The following GULP1 variants were observed in gnomAD, a reference collection of about 807,000 sequenced individuals.
GULP1 encodes the protein PTB domain-containing engulfment adapter protein 1.
GULP1 carries 19 observed loss-of-function variants against 40.9 expected under a neutral mutation model. The observed-to-expected ratio is 0.46, with a 90% CI of 0.32 to 0.68. The LOEUF (loss-of-function observed/expected upper bound fraction) is 0.68, where lower values mean the gene tolerates loss of function less well. GULP1 is among the 30% of genes least tolerant of loss of function. GULP1 has a pLI of 0.03. For synonymous variants in GULP1, 119 were observed against 117.6 expected (o/e 1.01, Z -0.08); for missense variants, 312 against 362.2 (o/e 0.86, Z 1.12).
chr2:188,525,317 G>A (rs1685886503), intron 5 of GULP1, among the ~76,000 whole-genome samples: 1 of 152,120 alleles, frequency 6.6e-6, no homozygotes, highest in East Asian at 1.9e-4. Flanking sequence ...CTTGAACCTG[G>A]GAAGCAGGGG....
At chr2:188,475,366 A>G (rs1459711412) in intron 2 of GULP1, among the ~76,000 whole-genome samples, 1 of 148,442 alleles carries the variant, frequency 6.7e-6, no homozygotes, top group South Asian at 2.1e-4. Flanking sequence ...TGTTTGCTCC[A>G]ATGAACTTTA....
At chr2:188,558,850 T>C (rs1312225660) in intron 7 of GULP1, among the ~76,000 whole-genome samples, 5 of 152,230 alleles carry the variant, frequency 3.3e-5, no homozygotes, top group African/African-American at 1.2e-4. Context: ...AAGTTTGAAC[T>C]TGAGAGAGAT....
chr2:188,512,696 C>A (rs1239140293), intron 4 of GULP1, among the ~76,000 whole-genome samples: 1 of 152,070 alleles, frequency 6.6e-6, no homozygotes, highest in Non-Finnish European at 1.5e-5. Context: ...AACTATTCAG[C>A]CTTTCAAGTG....
chr2:188,521,321 G>A (rs1373571262), intron 4 of GULP1, among the ~76,000 whole-genome samples: 1 of 152,096 alleles, frequency 6.6e-6, no homozygotes, highest in Non-Finnish European at 1.5e-5. Flanking sequence ...TTATTGCAGT[G>A]TGATAATTAT....
chr2:188,312,147 A>G (rs2038260539), intron 1 of GULP1, among the ~76,000 whole-genome samples: 1 of 151,972 alleles, frequency 6.6e-6, no homozygotes, highest in African/African-American at 2.4e-5. Context: ...TTTCTTTAAA[A>G]TACCTAAGTA....
At chr2:188,392,508 A>C (rs1020706141) in intron 2 of GULP1, among the ~76,000 whole-genome samples, 1 of 151,956 alleles carries the variant, frequency 6.6e-6, no homozygotes, top group African/African-American at 2.4e-5. Flanking sequence ...TAATCTAGCT[A>C]ATGGTCTATC....
intron 7 of GULP1, among the ~76,000 whole-genome samples, chr2:188,553,338 C>A (rs1184892094): frequency 6.6e-6 from 1 of 151,832 alleles, no homozygotes; most frequent in East Asian, 1.9e-4. Context: ...TGGTATGTTT[C>A]TTCTGTGCCT....
chr2:188,340,855 G>C (rs13014162), intron 1 of GULP1, among the ~76,000 whole-genome samples: 117,570 of 151,916 alleles, frequency 0.77, 46,302 homozygotes, highest in East Asian at 0.95. Context: ...TATTCTTCCC[G>C]TGAAGAACAG....
intron 9 of GULP1, among the ~76,000 whole-genome samples, chr2:188,570,353 A>G (rs937019916): frequency 2.6e-5 from 4 of 151,980 alleles, no homozygotes; most frequent in Admixed American, 2.6e-4. Flanking sequence ...ACATAATTCA[A>G]CCCTCAGGTT....
chr2:188,399,690 G>GAAA (rs55877284), intron 2 of GULP1, among the ~76,000 whole-genome samples: 25,305 of 64,098 alleles, frequency 0.39, 6,435 homozygotes, highest in Admixed American at 0.44. Context: ...GTCCCTACAA[G>GAAA]AAAAAAAAAA....
chr2:188,564,267 T>C (rs374190454), intron 7 of GULP1, among the ~76,000 whole-genome samples: 1 of 151,858 alleles, frequency 6.6e-6, no homozygotes, highest in South Asian at 2.1e-4. Flanking sequence ...AGTGAATAGA[T>C]GGAGAGGAAG....
intron 1 of GULP1, among the ~76,000 whole-genome samples, chr2:188,293,394 GT>G (rs2105822417): frequency 6.6e-6 from 1 of 152,214 alleles, no homozygotes; most frequent in East Asian, 1.9e-4. Flanking sequence ...AGAATAAAAA[GT>G]TACGGAGAAT....
chr2:188,542,365 T>G (rs570594669), intron 7 of GULP1, among the ~76,000 whole-genome samples: 1 of 152,314 alleles, frequency 6.6e-6, no homozygotes, highest in East Asian at 1.9e-4. Flanking sequence ...TTATGTCATT[T>G]GTTTATCTAG....
At chr2:188,512,267 TAAA>T in intron 4 of GULP1, among the ~76,000 whole-genome samples, 1 of 152,236 alleles carries the variant, frequency 6.6e-6, no homozygotes, top group South Asian at 2.1e-4. Context: ...TACGCATTTT[TAAA>T]AAATAATGAG....
intron 7 of GULP1, among the ~76,000 whole-genome samples, chr2:188,557,589 A>G (rs985969590): frequency 1.3e-5 from 2 of 152,218 alleles, no homozygotes; most frequent in African/African-American, 4.8e-5. Flanking sequence ...TTCAGCCCTA[A>G]TGGCTACTCT....
intron 6 of GULP1, among the ~76,000 whole-genome samples, chr2:188,536,528 TC>T (rs1305645884): frequency 6.6e-6 from 1 of 152,134 alleles, no homozygotes; most frequent in Non-Finnish European, 1.5e-5. Context: ...AATTCTCTAT[TC>T]TTTGCCATTG....
intron 2 of GULP1, among the ~76,000 whole-genome samples, chr2:188,436,391 T>G (rs1402596566): frequency 6.6e-6 from 1 of 152,132 alleles, no homozygotes; most frequent in Non-Finnish European, 1.5e-5. Flanking sequence ...CACTACAGCA[T>G]CATAGGTATG....
At chr2:188,477,755 T>A in intron 3 of GULP1, 25 bp downstream of exon 3, 7 of 1,577,416 alleles carry the variant, frequency 4.4e-6, no homozygotes, top group South Asian at 1.1e-5. Flanking sequence ...TTTTTAAAAC[T>A]TGGGAGTCAA....
chr2:188,514,000 G>T (rs569515028), intron 4 of GULP1, among the ~76,000 whole-genome samples: 1 of 149,688 alleles, frequency 6.7e-6, no homozygotes, highest in Non-Finnish European at 1.5e-5. Context: ...TCCAAAATGC[G>T]CAGGTTTGGT....
Sources: gnomAD v4.1 joint callset for allele counts (sites outside exome capture counted in the v4.1 genomes callset) on GRCh38, gnomAD v4.1.1 for gene constraint, MANE v1.5 for transcripts, NCBI Gene and HGNC (gene_info 2026-07-23, HGNC 2026-07-21) for gene names.